KIF21A: variants seen among roughly 807,000 people sequenced by gnomAD.
KIF21A encodes the protein kinesin-like protein KIF21A.
KIF21A carries 114 observed loss-of-function variants against 202.9 expected under a neutral mutation model. The ratio of observed to expected loss-of-function variants is 0.56; its 90% CI spans 0.48 to 0.66. The LOEUF (loss-of-function observed/expected upper bound fraction) is 0.66, where lower values mean the gene tolerates loss of function less well. Ranked by LOEUF, KIF21A falls within the 30% of genes least tolerant of loss-of-function variation. The probability of loss-of-function intolerance (pLI) is 0.00; values close to 1 mark genes in which losing one functional copy is unlikely to be tolerated. For missense variants in KIF21A, 1,677 were observed against 1,994.9 expected (o/e 0.84, Z 3.04); for synonymous variants, 667 against 670.8 (o/e 0.99, Z 0.09).
At chr12:39,437,568 T>C (rs1938990599) in intron 1 of KIF21A, among the ~76,000 whole-genome samples, 1 of 152,304 alleles carries the variant, frequency 6.6e-6, no homozygotes, top group East Asian at 1.9e-4. Context: ...GTGAGAAATG[T>C]ATGAACTAAA....
In KIF21A at chr12:39,330,938, G is replaced by A. The variant is rs368284924; in HGVS notation, c.3154-27C>T. 14 of 1,611,868 alleles carry A rather than the reference G, an allele frequency of 8.7e-6. No individual in the cohort carries two copies. The African/African-American group carries it at 1.7e-4, about 20-fold the overall frequency. ...TGAAACACAACAAAAAATTATCTTA[G>A]GTCATACGAAACAGGATCTACCACA... On this transcript the variant is annotated intron_variant, in intron 22 of 37. Coordinates refer to ENST00000361418, the MANE Select transcript of KIF21A (RefSeq NM_001173464.2).
Position 39,311,526 on chromosome 12 carries a change from T to A in KIF21A, c.3987A>T (p.Ser1329=), listed in dbSNP as rs754681062. ...GAAGTGGAAAAGCTCTGATTCCTTT[T>A]GAAGCAGGAAATGGGTTGATTATGC... The part of the protein sequence containing the change: ...RRGIINPFPA[S]KGIRAFPLQC... The change falls in exon 32 of 38, where the codon TCA becomes TCT. Residue 1329 remains serine (S), a synonymous_variant. Transcript: ENST00000361418. The A allele has an allele frequency of 1.2e-6, 2 of 1,613,146 alleles. No individual in the cohort carries two copies. The highest frequency in any genetic ancestry group is 4.5e-5 in the East Asian group (2 of 44,808).
At chr12:39,330,134 C>G in intron 24 of KIF21A, 108 bp downstream of exon 24, 1 of 1,057,716 alleles carries the variant, frequency 9.5e-7, no homozygotes, top group South Asian at 1.3e-5. Context: ...GCAAAAACCA[C>G]TTGACCGCCA....
intron 33 of KIF21A, among the ~76,000 whole-genome samples, chr12:39,309,370 C>T (rs1943785928): frequency 1.3e-5 from 2 of 151,966 alleles, no homozygotes; most frequent in African/African-American, 2.4e-5. Flanking sequence ...TGGCTTATCC[C>T]TTTCTGTTTA....
In KIF21A at chr12:39,442,816, G is replaced by A. The variant is rs960894863; in HGVS notation, c.44+111C>T. 1.5e-6 allele frequency: 2 copies of A among 1,326,228 alleles called. No homozygotes were observed. The highest frequency in any genetic ancestry group is 1.0e-6 in the Non-Finnish European group (1 of 971,370). 82.2% of individuals were successfully genotyped at this position (1,326,228 alleles called of 1,614,324 possible). A position where few individuals can be genotyped will look rare whatever the true frequency, so the allele number is the denominator to read the frequency against. On this transcript the variant is annotated intron_variant, in intron 1 of 37. Coordinates refer to ENST00000361418, the MANE Select transcript of KIF21A (RefSeq NM_001173464.2). This position sits in a 1 kb window ranked among gnomAD's most constrained non-coding sequence, Gnocchi z 5.0. ...TTCCTCAGCCGCAGAACCCGGCCGG[G>A]ACGCCCCTCAGGTCGCTCCACCCCG...
At position 39,442,625 on chromosome 12, in the gene KIF21A, G is replaced by A. The variant is rs113417638; in HGVS notation, c.44+302C>T. Among the ~76,000 whole-genome samples, 1,031 of 152,290 alleles carry A rather than the reference G, an allele frequency of 6.8e-3. 15 individuals are homozygous for A. Among genetic ancestry groups the A allele is most frequent in the African/African-American group, 0.024 (985 of 41,564 alleles). ...GTGACTGATCCCGCGAGGGGACGGA[G>A]GGGAGTGACGAGGGCTTTTCCCCCA... On this transcript the variant is annotated intron_variant, in intron 1 of 37. Coordinates refer to ENST00000361418, the MANE Select transcript of KIF21A (RefSeq NM_001173464.2). This position sits in a 1 kb window ranked among gnomAD's most constrained non-coding sequence, Gnocchi z 5.0.
rs918259793 is a variant in KIF21A, at chr12:39,436,103, G to A, written c.44+6824C>T. On this transcript the variant is annotated intron_variant, in intron 1 of 37. Transcript: ENST00000361418. The stretch of plus-strand genomic sequence containing the variant: ...AGGTGCTTCTAAAGTCAAAATAATG[G>A]GTTGACAGTGAGCGACCTTATCTAA... 5.3e-5 allele frequency among the ~76,000 whole-genome samples: 8 copies of A among 152,008 alleles called. No homozygotes were observed. In the East Asian group the frequency reaches 1.6e-3, roughly 30 times the overall value.
intron 1 of KIF21A, among the ~76,000 whole-genome samples, chr12:39,441,039 G>C (rs977876939): frequency 8.6e-5 from 13 of 151,720 alleles, no homozygotes; most frequent in African/African-American, 3.1e-4. Flanking sequence ...AGAAAGGAAA[G>C]AAGAGAGAAA....
Position 39,309,627 on chromosome 12 carries a change from C to T in KIF21A, c.4236G>A (p.Val1412=). ...VFTVSTSYIK[V]WDIRDSAKCI... ...ACTTTGCTGAATCTCTGATATCCCA[C>T]ACCTTAATATAAGATGTTGATACAG... Residue 1412 remains valine, a synonymous_variant, in exon 33 of 38, where the codon GTG becomes GTA. Transcript: ENST00000361418. 1 of 1,612,856 alleles carries T rather than the reference C, an allele frequency of 6.2e-7. No homozygotes were observed. Among genetic ancestry groups the T allele is most frequent in the Non-Finnish European group, 8.5e-7 (1 of 1,179,580 alleles).
At chr12:39,364,343 T>C (rs1428238017) in intron 6 of KIF21A, among the ~76,000 whole-genome samples, 2 of 152,220 alleles carry the variant, frequency 1.3e-5, no homozygotes, top group East Asian at 3.8e-4. Context: ...TGTCTCAACA[T>C]GCTTCAAGAG....
chr12:39,432,492 C>A (rs1938075784), intron 1 of KIF21A, among the ~76,000 whole-genome samples: 3 of 152,048 alleles, frequency 2.0e-5, no homozygotes. Flanking sequence ...AAAGTCATGT[C>A]AATTAAATCA....
chr12:39,371,895 C>CTCCA (rs1949985237), intron 1 of KIF21A, among the ~76,000 whole-genome samples: 1 of 151,130 alleles, frequency 6.6e-6, no homozygotes, highest in Non-Finnish European at 1.5e-5. Context: ...CACCACTGCA[C>CTCCA]TCCAGCCTGG....
chr12:39,399,238 T>G (rs1452243939), intron 1 of KIF21A, among the ~76,000 whole-genome samples: 1 of 152,226 alleles, frequency 6.6e-6, no homozygotes, highest in Admixed American at 6.5e-5. Context: ...TATATTGTAT[T>G]TTGTATTATA....
chr12:39,394,207 T>C (rs1475121082), intron 1 of KIF21A, among the ~76,000 whole-genome samples: 1 of 152,220 alleles, frequency 6.6e-6, no homozygotes, highest in African/African-American at 2.4e-5. Context: ...TTGCAGAGCA[T>C]GCAATACATA....
At position 39,309,703 on chromosome 12, in the gene KIF21A, G is replaced by A. The variant is rs1943828624; in HGVS notation, c.4160C>T (p.Pro1387Leu). The change falls in exon 33 of 38, where the codon CCC becomes CTC. Residue 1387 changes from proline to leucine, a missense_variant. This residue lies in a region of KIF21A where 705 missense variants were observed against 791.9 expected (regional missense o/e 0.89). Coordinates refer to ENST00000361418, the MANE Select transcript of KIF21A (RefSeq NM_001173464.2). ...GTATTTTACAGACACGACATTGTTG[G>A]GATGACCCCCCAGTGACATTATTTC... ...GQEIMSLGGH[P>L]NNVVSVKYCN... 6.2e-7 allele frequency: 1 copy of A among 1,613,244 alleles called. No individual in the cohort carries two copies. Among genetic ancestry groups the A allele is most frequent in the East Asian group, 2.2e-5 (1 of 44,824 alleles).
chr12:39,392,989 G>A (rs1951482668), intron 1 of KIF21A, among the ~76,000 whole-genome samples: 1 of 145,570 alleles, frequency 6.9e-6, no homozygotes, highest in Non-Finnish European at 1.5e-5. Context: ...TACTATAAAT[G>A]AGCCATACTA....
chr12:39,362,410 T>A (rs1407156931), intron 7 of KIF21A, among the ~76,000 whole-genome samples: 1 of 152,218 alleles, frequency 6.6e-6, no homozygotes, highest in Non-Finnish European at 1.5e-5. Context: ...TGTTGGTAAC[T>A]TGTTGAATTG....
chr12:39,335,926 C>T (rs991602978), intron 17 of KIF21A, among the ~76,000 whole-genome samples: 10 of 152,178 alleles, frequency 6.6e-5, no homozygotes, highest in Non-Finnish European at 1.5e-4. Context: ...CACTACCCCC[C>T]TTTTCTCTAT....
chr12:39,300,586 A>C (rs1195731485), intron 37 of KIF21A, among the ~76,000 whole-genome samples: 1 of 152,160 alleles, frequency 6.6e-6, no homozygotes, highest in Non-Finnish European at 1.5e-5. Flanking sequence ...TACACAAACA[A>C]AATTGGGAGG....
Sources: gnomAD v4.1 joint callset for allele counts (sites outside exome capture counted in the v4.1 genomes callset) on GRCh38, gnomAD v4.1.1 for gene constraint, gnomAD v4.1.1 regional missense constraint, Gnocchi (gnomAD v3.1) non-coding constraint, MANE v1.5 for transcripts, NCBI Gene and HGNC (gene_info 2026-07-23, HGNC 2026-07-21) for gene names.